The following TBC1D5 variants were observed in gnomAD, a reference collection of about 807,000 sequenced individuals.
TBC1D5 encodes TBC1 domain family, member 5.
A neutral mutation model predicts 100.3 loss-of-function variants in TBC1D5; 75 were observed. The observed-to-expected ratio is 0.75, with a 90% CI of 0.62 to 0.91. The LOEUF (loss-of-function observed/expected upper bound fraction) is 0.91. Ranked by LOEUF, TBC1D5 falls within the 40% of genes least tolerant of loss-of-function variation. The probability of loss-of-function intolerance (pLI) is 0.00; values close to 1 mark genes in which losing one functional copy is unlikely to be tolerated. For synonymous variants in TBC1D5, 323 were observed against 325.6 expected (o/e 0.99, Z 0.09); for missense variants, 910 against 942.4 (o/e 0.97, Z 0.45).
chr3:17,518,014 T>A (rs1159381478), intron 2 of TBC1D5, among the ~76,000 whole-genome samples: 3 of 152,142 alleles, frequency 2.0e-5, no homozygotes, highest in Non-Finnish European at 4.4e-5. Flanking sequence ...GCAATAATAA[T>A]AAACATTAAA....
In TBC1D5 at chr3:17,196,674, T is replaced by C. The variant is rs59824133; in HGVS notation, c.1753-11466A>G. Reference sequence around the variant, plus strand: ...GGTGTCGTGAAATACTTTGGGTATATGTTGACCATTAATAAAATGGATTAA... The same window carrying C: ...GGTGTCGTGAAATACTTTGGGTATACGTTGACCATTAATAAAATGGATTAA... On this transcript the variant is annotated intron_variant, in intron 18 of 21. Transcript: ENST00000253692. Among the ~76,000 whole-genome samples, 687 of 152,366 alleles carry C rather than the reference T, an allele frequency of 4.5e-3. 5 individuals are homozygous for C. Among genetic ancestry groups the C allele is most frequent in the African/African-American group, 0.016 (646 of 41,584 alleles).
chr3:17,523,559 C>T (rs1167171462), intron 2 of TBC1D5, among the ~76,000 whole-genome samples: 2 of 151,950 alleles, frequency 1.3e-5, no homozygotes, highest in Non-Finnish European at 2.9e-5. Context: ...GAGGTCAACT[C>T]AAAAAAGATT....
intron 16 of TBC1D5, among the ~76,000 whole-genome samples, chr3:17,254,774 G>GC (rs1010830907): frequency 1.0e-5 from 1 of 98,982 alleles, no homozygotes; most frequent in Non-Finnish European, 1.9e-5. Context: ...GGTGGGGGGG[G>GC]GGTCCCAAGA....
chr3:17,315,040 G>C (rs1222970064), intron 13 of TBC1D5, among the ~76,000 whole-genome samples: 1 of 152,204 alleles, frequency 6.6e-6, no homozygotes, highest in Non-Finnish European at 1.5e-5. Context: ...TTTTGAACTA[G>C]TTCCCAGGAG....
intron 3 of TBC1D5, among the ~76,000 whole-genome samples, chr3:17,476,506 C>T (rs1307159712): frequency 6.6e-6 from 1 of 151,984 alleles, no homozygotes; most frequent in Non-Finnish European, 1.5e-5. Context: ...TTTATCAAGT[C>T]ATGAGCCATT....
chr3:17,198,514 TA>T (rs1263657278), intron 18 of TBC1D5, among the ~76,000 whole-genome samples: 1 of 152,204 alleles, frequency 6.6e-6, no homozygotes, highest in Admixed American at 6.5e-5. Context: ...ATACTTATAC[TA>T]AAAAATTTAC....
intron 3 of TBC1D5, among the ~76,000 whole-genome samples, chr3:17,459,403 G>A (rs1362828958): frequency 1.3e-5 from 2 of 152,198 alleles, no homozygotes; most frequent in Non-Finnish European, 2.9e-5. Flanking sequence ...GATCTGACAG[G>A]AGGCAGAGCT....
chr3:17,537,841 A>G (rs2096298722), intron 2 of TBC1D5, among the ~76,000 whole-genome samples: 1 of 152,216 alleles, frequency 6.6e-6, no homozygotes, highest in African/African-American at 2.4e-5. Flanking sequence ...TGTAAACCCA[A>G]AAGTATCTGA....
intron 15 of TBC1D5, among the ~76,000 whole-genome samples, chr3:17,289,470 C>T (rs778176265): frequency 2.6e-5 from 4 of 151,994 alleles, no homozygotes; most frequent in African/African-American, 7.3e-5. Flanking sequence ...CCCATATCTA[C>T]TAAAAATACA....
intron 9 of TBC1D5, among the ~76,000 whole-genome samples, chr3:17,382,153 C>T (rs2092971148): frequency 6.6e-6 from 1 of 151,906 alleles, no homozygotes; most frequent in Non-Finnish European, 1.5e-5. Flanking sequence ...CCACAACTAC[C>T]AACATGAACC....
At chr3:17,184,347 A>G (rs2068769517) in intron 19 of TBC1D5, among the ~76,000 whole-genome samples, 1 of 152,326 alleles carries the variant, frequency 6.6e-6, no homozygotes, top group Admixed American at 6.5e-5. Context: ...ATAAAAAAAC[A>G]AAGAATTGTC....
intron 18 of TBC1D5, among the ~76,000 whole-genome samples, chr3:17,205,711 T>A (rs1221452321): frequency 6.6e-6 from 1 of 151,996 alleles, no homozygotes; most frequent in Non-Finnish European, 1.5e-5. Flanking sequence ...TTCTGGTCAG[T>A]GATATGGGAA....
intron 1 of TBC1D5, chr3:17,706,230 C>A (rs919236358): frequency 6.5e-7 from 1 of 1,549,058 alleles, no homozygotes; most frequent in African/African-American, 1.4e-5. Flanking sequence ...GTGGAGGCGG[C>A]GGCCACCACA....
intron 1 of TBC1D5, among the ~76,000 whole-genome samples, chr3:17,655,461 AT>A (rs1034861663): frequency 3.8e-4 from 58 of 151,598 alleles, no homozygotes; most frequent in African/African-American, 1.3e-3. Context: ...TATAATAATA[AT>A]TAAATTAAAT....
intron 3 of TBC1D5, among the ~76,000 whole-genome samples, chr3:17,476,890 G>GT (rs2095444208): frequency 6.6e-6 from 1 of 151,836 alleles, no homozygotes; most frequent in African/African-American, 2.4e-5. Context: ...TGGTATATTT[G>GT]TAAGTGCGAC....
intron 17 of TBC1D5, among the ~76,000 whole-genome samples, chr3:17,228,080 A>C (rs973541812): frequency 3.9e-5 from 6 of 151,972 alleles, no homozygotes; most frequent in Admixed American, 6.6e-5. Flanking sequence ...CAGAAAATTG[A>C]GTGAGGATTA....
intron 19 of TBC1D5, among the ~76,000 whole-genome samples, chr3:17,177,144 G>A (rs1006276385): frequency 6.6e-6 from 1 of 152,138 alleles, no homozygotes; most frequent in East Asian, 1.9e-4. Context: ...ATTCAATTTG[G>A]GTTCCTCCTG....
At chr3:17,453,043 A>G (rs1408520268) in intron 3 of TBC1D5, among the ~76,000 whole-genome samples, 1 of 151,900 alleles carries the variant, frequency 6.6e-6, no homozygotes, top group Non-Finnish European at 1.5e-5. Context: ...AAATTAAACA[A>G]TATGCTCCAG....
upstream of TBC1D5, among the ~76,000 whole-genome samples, chr3:17,742,028 A>G (rs535119243): frequency 4.6e-5 from 7 of 152,118 alleles, no homozygotes; most frequent in South Asian, 1.5e-3. Context: ...ATGAACATGG[A>G]AATTTACTAA....
Sources: allele counts gnomAD v4.1 joint callset (sites outside exome capture counted in the v4.1 genomes callset), GRCh38; gene constraint gnomAD v4.1.1; transcripts MANE v1.5; gene names NCBI Gene and HGNC (gene_info 2026-07-23, HGNC 2026-07-21).